TANC2: variants seen among roughly 807,000 people sequenced by gnomAD.
The protein encoded by TANC2 is tetratricopeptide repeat, ankyrin repeat and coiled-coil containing 2.
A neutral mutation model predicts 210.5 loss-of-function variants in TANC2; 26 were observed. The ratio of observed to expected loss-of-function variants is 0.12; its 90% CI spans 0.09 to 0.17. The LOEUF (loss-of-function observed/expected upper bound fraction) is 0.17, where lower values mean the gene tolerates loss of function less well. Ranked by LOEUF, TANC2 falls within the 10% of genes least tolerant of loss-of-function variation. The pLI is 1.00. For synonymous variants in TANC2, 931 were observed against 967.1 expected (o/e 0.96, Z 0.69); for missense variants, 2,129 against 2,608.9 (o/e 0.82, Z 4.01).
At chr17:63,071,370 T>G (rs962275662) in intron 2 of TANC2, among the ~76,000 whole-genome samples, 4 of 152,160 alleles carry the variant, frequency 2.6e-5, no homozygotes, top group African/African-American at 9.7e-5. Context: ...TAGCTCATTG[T>G]AACCTCAAAT....
At chr17:63,362,365 C>T (rs1293811016) in intron 14 of TANC2, among the ~76,000 whole-genome samples, 3 of 152,196 alleles carry the variant, frequency 2.0e-5, no homozygotes, top group Non-Finnish European at 4.4e-5. Flanking sequence ...CCATGGACTC[C>T]ACCCAGAACT....
At chr17:63,376,899 G>A (rs544496990) in intron 14 of TANC2, among the ~76,000 whole-genome samples, 1 of 149,178 alleles carries the variant, frequency 6.7e-6, no homozygotes, top group Non-Finnish European at 1.5e-5. Flanking sequence ...CTCACTGCAA[G>A]CTCCGCCTCC....
chr17:63,218,357 A>G (rs2042078749), intron 7 of TANC2, among the ~76,000 whole-genome samples: 1 of 152,212 alleles, frequency 6.6e-6, no homozygotes, highest in East Asian at 1.9e-4. Flanking sequence ...AAAAACCTAC[A>G]TCTAATTCAT....
intron 4 of TANC2, among the ~76,000 whole-genome samples, chr17:63,106,276 C>T (rs1157317675): frequency 1.3e-5 from 2 of 151,512 alleles, no homozygotes; most frequent in African/African-American, 4.9e-5. Flanking sequence ...AAAACCAGAG[C>T]TCGACAGTAA....
At chr17:63,099,597 T>G (rs538704371) in intron 4 of TANC2, among the ~76,000 whole-genome samples, 2 of 152,240 alleles carry the variant, frequency 1.3e-5, no homozygotes, top group South Asian at 4.1e-4. Flanking sequence ...TGTGAACATA[T>G]TTTTCTAGGT....
chr17:63,346,403 T>C lies in TANC2; in HGVS notation c.1808-4847T>C, dbSNP rs546583563. On this transcript the variant is annotated intron_variant, in intron 12 of 27. Transcript: ENST00000689528. ...ACAAAGCACTTGTATCTACGATACA[T>C]GTAGAATGCAAACAGTTCAGTTTTT... Among the ~76,000 whole-genome samples the C allele has an allele frequency of 2.0e-5, 3 of 152,328 alleles. No individual in the cohort carries two copies. The South Asian group carries it at 6.2e-4, about 32-fold the overall frequency.
chr17:63,002,678 C>G (rs1297603262), intron 1 of TANC2, among the ~76,000 whole-genome samples: 1 of 152,102 alleles, frequency 6.6e-6, no homozygotes, highest in Non-Finnish European at 1.5e-5. Flanking sequence ...CAAGAGACAA[C>G]CATTATTCTG....
rs1223697634 is a variant in TANC2, at chr17:63,147,830, A to T, written c.323-3440A>T. 2.6e-5 allele frequency among the ~76,000 whole-genome samples: 4 copies of T among 152,214 alleles called. No homozygotes were observed. In the East Asian group the frequency reaches 7.7e-4, roughly 29 times the overall value. ...ACATGATTCCCTTCTCAATTAAAAAATAATTGGTGATATCACTGTTCACAT... is the reference window on the plus strand; with the variant it reads ...ACATGATTCCCTTCTCAATTAAAAATTAATTGGTGATATCACTGTTCACAT... On this transcript the variant is annotated intron_variant, in intron 4 of 27. Coordinates refer to ENST00000689528, the Ensembl canonical transcript of TANC2.
chr17:63,324,466 G>A (rs560061464), intron 11 of TANC2, among the ~76,000 whole-genome samples: 1 of 152,142 alleles, frequency 6.6e-6, no homozygotes, highest in African/African-American at 2.4e-5. Context: ...ATATGGAAAT[G>A]TAAGCCAGAA....
At chr17:63,384,569 A>T (rs2047716644) in intron 15 of TANC2, among the ~76,000 whole-genome samples, 2 of 152,150 alleles carry the variant, frequency 1.3e-5, no homozygotes, top group Non-Finnish European at 2.9e-5. Context: ...TAACAATTAT[A>T]GTAGAAGCCC....
At chr17:63,318,536 A>C (rs1366598353) in intron 10 of TANC2, among the ~76,000 whole-genome samples, 1 of 152,126 alleles carries the variant, frequency 6.6e-6, no homozygotes, top group African/African-American at 2.4e-5. Flanking sequence ...CCACTAATTT[A>C]CTTTCTGTCT....
At chr17:63,257,176 C>A (rs1053627060) in intron 8 of TANC2, among the ~76,000 whole-genome samples, 1 of 151,262 alleles carries the variant, frequency 6.6e-6, no homozygotes, top group Non-Finnish European at 1.5e-5. Context: ...AAGACTTACT[C>A]CTGCCATTTT....
At chr17:63,282,118 G>A (rs2044076163) in intron 9 of TANC2, among the ~76,000 whole-genome samples, 1 of 151,944 alleles carries the variant, frequency 6.6e-6, no homozygotes, top group Admixed American at 6.6e-5. Context: ...AAAGATAAGA[G>A]CAGAAATCAG....
rs367715326 is a variant in TANC2 at position 63,123,271 on chromosome 17, A to G, written c.322+23914A>G. Among the ~76,000 whole-genome samples the G allele has an allele frequency of 1.1e-4, 16 of 152,214 alleles. No homozygotes were observed. The East Asian group carries it at 2.1e-3, about 20-fold the overall frequency. On this transcript the variant is annotated intron_variant, in intron 4 of 27. Coordinates refer to ENST00000689528, the Ensembl canonical transcript of TANC2. ...GTGGTAGGACGATATAAGAGGGGAAATGTGGGCCAGGCGCGGTGGCTCACG... is the reference window on the plus strand; with the variant it reads ...GTGGTAGGACGATATAAGAGGGGAAGTGTGGGCCAGGCGCGGTGGCTCACG...
chr17:63,418,397 C>T lies in TANC2; in HGVS notation c.4258C>T (p.Arg1420Cys), dbSNP rs1396830120. 3.7e-6 allele frequency: 6 copies of T among 1,611,802 alleles called. No homozygotes were observed. The highest frequency in any genetic ancestry group is 1.1e-5 in the South Asian group (1 of 90,304). ...TTACTATGCGAGAGCAAGGGCAAAA[C>T]GCAGCAGCAGGTGAGGAGAGAGAGA... Residue 1420 changes from arginine to cysteine, a missense_variant, in exon 27 of 28, where the codon CGC (arginine) becomes TGC (cysteine). Transcript: ENST00000689528. This position sits in a 1 kb window ranked among gnomAD's most constrained non-coding sequence, Gnocchi z 4.6.
intron 3 of TANC2, among the ~76,000 whole-genome samples, chr17:63,082,615 A>T (rs1269545261): frequency 6.6e-6 from 1 of 152,198 alleles, no homozygotes; most frequent in East Asian, 1.9e-4. Flanking sequence ...TGATCGTCCT[A>T]TGAATGGTAC....
chr17:63,331,001 G>C (rs552823921), intron 11 of TANC2, among the ~76,000 whole-genome samples: 1 of 152,052 alleles, frequency 6.6e-6, no homozygotes, highest in Non-Finnish European at 1.5e-5. Context: ...GCTTGAACCC[G>C]GGAGGCAGAG....
At chr17:63,179,914 A>G (rs1004779596) in intron 5 of TANC2, among the ~76,000 whole-genome samples, 9 of 151,566 alleles carry the variant, frequency 5.9e-5, no homozygotes, top group Admixed American at 4.0e-4. Context: ...TGGGAGGTCA[A>G]TGCAAGAGGG....
intron 5 of TANC2, among the ~76,000 whole-genome samples, chr17:63,164,827 A>T (rs2040156034): frequency 6.6e-6 from 1 of 152,242 alleles, no homozygotes; most frequent in Non-Finnish European, 1.5e-5. Context: ...GACCCTCAGC[A>T]GATTGGACAA....
Sources: allele counts gnomAD v4.1 joint callset (sites outside exome capture counted in the v4.1 genomes callset), GRCh38; gene constraint gnomAD v4.1.1; non-coding constraint Gnocchi (gnomAD v3.1); transcripts MANE v1.5; gene names NCBI Gene and HGNC (gene_info 2026-07-23, HGNC 2026-07-21).